Variants in HECTD2 observed in about 807,000 individuals in gnomAD.
HECTD2 encodes HECT domain E3 ubiquitin protein ligase 2.
HECTD2 carries 35 observed loss-of-function variants against 103.2 expected under a neutral mutation model. That is an observed-to-expected ratio of 0.34 (90% confidence interval 0.26 to 0.45). The LOEUF (loss-of-function observed/expected upper bound fraction) is 0.45, where lower values mean the gene tolerates loss of function less well. Among genes scored for constraint, HECTD2 ranks in the 20% least tolerant of loss-of-function variants. The pLI, the probability that HECTD2 is intolerant of heterozygous loss-of-function variation, is 1.00. For synonymous variants in HECTD2, 281 were observed against 329.9 expected, an observed-to-expected ratio of 0.85 and a Z score of 1.61; for missense variants, 596 against 937.4, an observed-to-expected ratio of 0.64 and a Z score of 4.76.
intron 1 of HECTD2, among the ~76,000 whole-genome samples, chr10:91,416,931 C>G (rs1406475073): frequency 6.6e-6 from 1 of 152,088 alleles, no homozygotes; most frequent in Non-Finnish European, 1.5e-5. Flanking sequence ...TGTCTCAGTT[C>G]ATATTAATTT....
At chr10:91,430,345 T>G (rs1371499321) in intron 2 of HECTD2, among the ~76,000 whole-genome samples, 1 of 152,116 alleles carries the variant, frequency 6.6e-6, no homozygotes, top group Non-Finnish European at 1.5e-5. Context: ...CTGAAAAAAA[T>G]GTCTATTCTG....
At chr10:91,500,240 G>GCA (rs1846846335) in intron 18 of HECTD2, among the ~76,000 whole-genome samples, 1 of 152,172 alleles carries the variant, frequency 6.6e-6, no homozygotes, top group South Asian at 2.1e-4. Flanking sequence ...TTGGAGAAGA[G>GCA]TAATTTGGAT....
chr10:91,454,280 AAAC>A (rs1217786933), intron 2 of HECTD2, among the ~76,000 whole-genome samples: 3 of 152,110 alleles, frequency 2.0e-5, no homozygotes, highest in Admixed American at 6.6e-5. Context: ...CTGGGCCATA[AAAC>A]AACTGAAATT....
At chr10:91,453,438 AAAAG>A (rs1844924310) in intron 2 of HECTD2, among the ~76,000 whole-genome samples, 1 of 152,110 alleles carries the variant, frequency 6.6e-6, no homozygotes, top group African/African-American at 2.4e-5. Context: ...CACACACACA[AAAAG>A]AAAATTATAA....
chr10:91,497,029 G>A (rs1322213856), intron 15 of HECTD2, among the ~76,000 whole-genome samples: 1 of 149,176 alleles, frequency 6.7e-6, no homozygotes, highest in East Asian at 2.0e-4. Flanking sequence ...GCTCCACCTT[G>A]GCTCACTGCA....
intron 1 of HECTD2, among the ~76,000 whole-genome samples, chr10:91,422,260 A>G (rs1442072865): frequency 6.6e-6 from 1 of 152,050 alleles, no homozygotes; most frequent in Non-Finnish European, 1.5e-5. Flanking sequence ...CTATATTCCA[A>G]CTACACTGCT....
rs566201975 is a variant in HECTD2 at position 91,503,121 on chromosome 10, A to C, written c.2210+1787A>C. 3.3e-5 allele frequency among the ~76,000 whole-genome samples: 5 copies of C among 152,354 alleles called. No homozygotes were observed. In the East Asian group the frequency reaches 9.6e-4, roughly 29 times the overall value. The stretch of plus-strand genomic sequence containing the variant: ...CAAAGGACATGAACAGACACTTTTC[A>C]AAAGAAGGCAACATGCAGCCAATAA... On this transcript the variant is annotated intron_variant, in intron 20 of 20. Coordinates refer to ENST00000298068, the MANE Select transcript of HECTD2 (RefSeq NM_182765.6).
In HECTD2 at chr10:91,487,670, C is replaced by T. The variant is rs1177111149; in HGVS notation, c.1095-12C>T. ...ACCATTTTGCTTTTTCTTTTTTTCA[C>T]TTGTTGAGCAGGTTTTCCTTCTGTC... On this transcript the variant is annotated splice_polypyrimidine_tract_variant and intron_variant, in intron 10 of 20. Coordinates refer to ENST00000298068, the MANE Select transcript of HECTD2 (RefSeq NM_182765.6). This position sits in a 1 kb window ranked among gnomAD's most constrained non-coding sequence, Gnocchi z 4.1. The T allele has an allele frequency of 6.3e-7, 1 of 1,582,384 alleles. No individual in the cohort carries two copies. The highest frequency in any genetic ancestry group is 8.7e-7 in the Non-Finnish European group (1 of 1,151,748).
chr10:91,432,978 G>C (rs528461995), intron 2 of HECTD2, among the ~76,000 whole-genome samples: 1 of 152,136 alleles, frequency 6.6e-6, no homozygotes, highest in South Asian at 2.1e-4. Context: ...AGAGCAACTT[G>C]AGGGGCAGGT....
intron 2 of HECTD2, among the ~76,000 whole-genome samples, chr10:91,431,340 A>C (rs1414923315): frequency 1.3e-5 from 2 of 152,122 alleles, no homozygotes; most frequent in Admixed American, 1.3e-4. Flanking sequence ...AGTTTGGTGA[A>C]TCTGACAATT....
chr10:91,513,336 T>C lies in HECTD2; in HGVS notation c.*952T>C, dbSNP rs745538798. ...ATATCTACATTTTTTGATCACCAGT[T>C]GTACCAAAACACTAATTTTTGAAAA... On this transcript the variant is annotated 3_prime_UTR_variant, in exon 21 of 21. Coordinates refer to ENST00000298068, the MANE Select transcript of HECTD2 (RefSeq NM_182765.6). 6.6e-6 allele frequency: 1 copy of C among 152,460 alleles called. No homozygotes were observed. Among genetic ancestry groups the C allele is most frequent in the Non-Finnish European group, 1.5e-5 (1 of 68,020 alleles). The allele number at this position is 152,460 out of a possible 1,614,324, so 9.4% of individuals were successfully genotyped here. A position where few individuals can be genotyped will look rare whatever the true frequency, so the allele number is the denominator to read the frequency against.
At chr10:91,460,326 ATAAT>A in intron 2 of HECTD2, 97 bp from the exon 3 acceptor site, 2 of 1,062,346 alleles carry the variant, frequency 1.9e-6, no homozygotes, top group Non-Finnish European at 2.7e-6. Context: ...GTAATACAAA[ATAAT>A]TCATTTGTTT....
chr10:91,506,444 C>T (rs1408421252), intron 20 of HECTD2, among the ~76,000 whole-genome samples: 2 of 151,140 alleles, frequency 1.3e-5, no homozygotes, highest in African/African-American at 4.8e-5. Context: ...AAGGGGATAT[C>T]ACCACTGATC....
Position 91,462,844 on chromosome 10 carries a change from C to G in HECTD2, c.600+660C>G, listed in dbSNP as rs183827476. ...GTGAAAAATTGACATCTTTTCAATCCATAAGCATACTGTATCCTTTTAGGT... is the reference window on the plus strand; with the variant it reads ...GTGAAAAATTGACATCTTTTCAATCGATAAGCATACTGTATCCTTTTAGGT... On this transcript the variant is annotated intron_variant, in intron 5 of 20. Transcript: ENST00000298068. The G allele has an allele frequency of 5.8e-5, 44 of 759,806 alleles. No homozygotes were observed. In the African/African-American group the frequency reaches 5.9e-4, roughly 10 times the overall value. The allele number at this position is 759,806 out of a possible 1,614,324, so 47.1% of individuals were successfully genotyped here. A position where few individuals can be genotyped will look rare whatever the true frequency, so the allele number is the denominator to read the frequency against.
At chr10:91,423,701 C>T (rs11186565) in intron 1 of HECTD2, among the ~76,000 whole-genome samples, 30,464 of 152,008 alleles carry the variant, frequency 0.2, 7,253 homozygotes, top group African/African-American at 0.58. Context: ...CTAGAGACTT[C>T]TTAATTCTAT....
At position 91,487,059 on chromosome 10, in the gene HECTD2, A is replaced by T. The variant is rs1238924822; in HGVS notation, c.1095-623A>T. ...TGTGTAGTTTGTGGCTTTTGTGCATAGCATAGAATGTTCTAGCCCAGGAGG... is the reference window on the plus strand; with the variant it reads ...TGTGTAGTTTGTGGCTTTTGTGCATTGCATAGAATGTTCTAGCCCAGGAGG... On this transcript the variant is annotated intron_variant, in intron 10 of 20. Coordinates refer to ENST00000298068, the MANE Select transcript of HECTD2 (RefSeq NM_182765.6). The surrounding 1 kb of genome is among the most constrained non-coding windows in gnomAD (Gnocchi z 4.1). The T allele has an allele frequency of 6.5e-6, 1 of 152,780 alleles. No individual in the cohort carries two copies. The highest frequency in any genetic ancestry group is 6.5e-5 in the Admixed American group (1 of 15,406). The allele number at this position is 152,780 out of a possible 1,614,324, so 9.5% of individuals were successfully genotyped here. A position where few individuals can be genotyped will look rare whatever the true frequency, so the allele number is the denominator to read the frequency against.
intron 2 of HECTD2, among the ~76,000 whole-genome samples, chr10:91,454,332 A>G (rs1171754308): frequency 6.6e-6 from 1 of 152,150 alleles, no homozygotes; most frequent in Admixed American, 6.6e-5. Flanking sequence ...TTTTCTGACT[A>G]TAGTCAAATT....
rs1846657743 is a variant in HECTD2, at chr10:91,496,208, G to T, written c.1522-6G>T. On this transcript the variant is annotated splice_region_variant and splice_polypyrimidine_tract_variant and intron_variant, in intron 14 of 20. Transcript: ENST00000298068. Reference sequence around the variant, plus strand: ...TATGTTAATGCTTAACATTTAGTATGCATAGCTTATGGGACTAGCTGTTTA... The same window carrying T: ...TATGTTAATGCTTAACATTTAGTATTCATAGCTTATGGGACTAGCTGTTTA... The T allele has an allele frequency of 1.9e-6, 3 of 1,598,956 alleles. No homozygotes were observed. Among genetic ancestry groups the T allele is most frequent in the Non-Finnish European group, 2.6e-6 (3 of 1,170,824 alleles).
intron 1 of HECTD2, 42 bp from the exon 2 acceptor site, chr10:91,425,239 G>T (rs773959658): frequency 5.1e-6 from 7 of 1,371,802 alleles, no homozygotes; most frequent in African/African-American, 1.5e-5. Context: ...TAATTTATAG[G>T]TAGTAGGAAG....
Sources: allele counts gnomAD v4.1 joint callset (sites outside exome capture counted in the v4.1 genomes callset), GRCh38; gene constraint gnomAD v4.1.1; non-coding constraint Gnocchi (gnomAD v3.1); transcripts MANE v1.5; gene names NCBI Gene and HGNC (gene_info 2026-07-23, HGNC 2026-07-21).